The following SLA2 variants were observed in gnomAD, a reference collection of about 807,000 sequenced individuals.
The protein encoded by SLA2 is Src like adaptor 2, also known as src-like-adapter 2.
SLA2 carries 22 observed loss-of-function variants against 27.3 expected under a neutral mutation model. The ratio of observed to expected loss-of-function variants is 0.81; its 90% CI spans 0.58 to 1.15. The LOEUF is 1.15. SLA2 is among the 50% of genes most tolerant of loss of function. The pLI is 0.00. For missense variants in SLA2, 304 were observed against 322.2 expected (o/e 0.94, Z 0.43); for synonymous variants, 131 against 137.8 (o/e 0.95, Z 0.34).
chr20:36,625,216 ATTTTTTTT>A (rs71186005), intron 5 of SLA2, among the ~76,000 whole-genome samples: 3 of 78,498 alleles, frequency 3.8e-5, no homozygotes, highest in African/African-American at 1.6e-4. Flanking sequence ...ACGTACCCTG[ATTTTTTTT>A]TTTTTTTTTT....
rs2039169968 is a variant in SLA2, at chr20:36,613,770, C to T, written c.*96G>A. 4 of 583,208 alleles carry T rather than the reference C, an allele frequency of 6.9e-6. 1 individual carries two copies. Among genetic ancestry groups the T allele is most frequent in the African/African-American group, 5.8e-5 (3 of 51,352 alleles). The allele number at this position is 583,208 out of a possible 1,614,324, so 36.1% of individuals were successfully genotyped here. On this transcript the variant is annotated 3_prime_UTR_variant, in exon 8 of 8. Coordinates refer to ENST00000262866, the MANE Select transcript of SLA2 (RefSeq NM_032214.4). ...TGCACCTCTGTGTCCCACCCTCCCT[C>T]CCTGAGTGCACAGCCTTGCCTCTGG...
chr20:36,614,022 T>C, intron 7 of SLA2, 36 bp from the exon 8 acceptor site: 3 of 1,610,626 alleles, frequency 1.9e-6, no homozygotes, highest in Non-Finnish European at 2.5e-6. Flanking sequence ...TCAAGAAGCC[T>C]CTTCCTCCTC....
rs190692900 is a variant in SLA2, at chr20:36,643,383, T to C, written c.-43-2005A>G. Among the ~76,000 whole-genome samples the C allele has an allele frequency of 2.7e-4, 41 of 152,330 alleles. No homozygotes were observed. The South Asian group carries it at 5.2e-3, about 19-fold the overall frequency. ...CAGTTCAGCTGATATTCATGGAGCT[T>C]CTGCTCTGTGTCAGGCACCTGCCAA... is the stretch of plus-strand genomic sequence containing the variant. On this transcript the variant is annotated intron_variant, in intron 1 of 7. Coordinates refer to ENST00000262866, the MANE Select transcript of SLA2 (RefSeq NM_032214.4).
At chr20:36,639,321 G>A (rs577600335) in intron 2 of SLA2, among the ~76,000 whole-genome samples, 1 of 152,066 alleles carries the variant, frequency 6.6e-6, no homozygotes, top group African/African-American at 2.4e-5. Context: ...TTTTCCCTGG[G>A]TCTCCAGTCT....
chr20:36,624,997 T>C (rs768257571), intron 5 of SLA2, among the ~76,000 whole-genome samples: 6 of 152,164 alleles, frequency 3.9e-5, no homozygotes, highest in Admixed American at 6.5e-5. Flanking sequence ...TCAACATGCA[T>C]AGGTGTACTC....
At chr20:36,626,799 C>G (rs1332401638) in intron 5 of SLA2, among the ~76,000 whole-genome samples, 2 of 150,496 alleles carry the variant, frequency 1.3e-5, no homozygotes, top group South Asian at 2.1e-4. Flanking sequence ...AGCCGAGATC[C>G]CGCCAACTGC....
Position 36,632,507 on chromosome 20 carries a change from C to G in SLA2, c.382+88G>C, listed in dbSNP as rs1052949665. ...TGAGAAGTCAGGCAAAGCCTATTTT[C>G]TGGGCCGCACCTGCAGCCATATATC... On this transcript the variant is annotated intron_variant, in intron 5 of 7. Coordinates refer to ENST00000262866, the MANE Select transcript of SLA2 (RefSeq NM_032214.4). The G allele has an allele frequency of 2.9e-6, 3 of 1,017,022 alleles. No homozygotes were observed. The South Asian group carries it at 4.1e-5, about 14-fold the overall frequency. The allele number at this position is 1,017,022 out of a possible 1,614,324, so 63.0% of individuals were successfully genotyped here.
At chr20:36,643,745 A>G (rs1978285503) in intron 1 of SLA2, among the ~76,000 whole-genome samples, 1 of 152,160 alleles carries the variant, frequency 6.6e-6, no homozygotes, top group Admixed American at 6.6e-5. Context: ...TGAGGTCAGG[A>G]GTTTGAGACC....
chr20:36,623,005 A>G (rs2039300437), intron 5 of SLA2, among the ~76,000 whole-genome samples: 1 of 152,184 alleles, frequency 6.6e-6, no homozygotes, highest in South Asian at 2.1e-4. Flanking sequence ...GCGGTGGCTC[A>G]TGCCTGTAAT....
At chr20:36,642,445 C>T (rs1296299553) in intron 1 of SLA2, among the ~76,000 whole-genome samples, 1 of 151,704 alleles carries the variant, frequency 6.6e-6, no homozygotes, top group African/African-American at 2.4e-5. Flanking sequence ...ACTCCGTCAC[C>T]CAGGCTAGAG....
chr20:36,638,798 C>G (rs2039478504), intron 2 of SLA2, among the ~76,000 whole-genome samples: 1 of 152,194 alleles, frequency 6.6e-6, no homozygotes, highest in African/African-American at 2.4e-5. Context: ...GCCACACAAC[C>G]CAGATATTTG....
intron 5 of SLA2, among the ~76,000 whole-genome samples, chr20:36,619,767 A>G (rs986127436): frequency 7.5e-5 from 11 of 146,552 alleles, no homozygotes; most frequent in African/African-American, 2.5e-4. Flanking sequence ...AATAGCTGGG[A>G]CTACAGGTGC....
intron 5 of SLA2, chr20:36,621,452 T>G: frequency 4.2e-6 from 2 of 479,304 alleles, no homozygotes; most frequent in Admixed American, 2.5e-5. Flanking sequence ...ATAGTGTTGT[T>G]TTTTTTTTGA....
At chr20:36,635,768 C>T (rs112348854) in intron 2 of SLA2, among the ~76,000 whole-genome samples, 1,751 of 152,204 alleles carry the variant, frequency 0.012, 36 homozygotes, top group African/African-American at 0.04. Context: ...CCTGGGAGGG[C>T]CCCTTCCCCT....
chr20:36,618,463 C>T (rs1021315674), intron 5 of SLA2, among the ~76,000 whole-genome samples: 3 of 151,758 alleles, frequency 2.0e-5, no homozygotes, highest in African/African-American at 7.3e-5. Flanking sequence ...GTCTTGAACT[C>T]CTGACCTTGT....
At chr20:36,628,723 A>G (rs183671249) in intron 5 of SLA2, among the ~76,000 whole-genome samples, 1 of 151,374 alleles carries the variant, frequency 6.6e-6, no homozygotes, top group Non-Finnish European at 1.5e-5. Context: ...CTTAAAAAAA[A>G]ATTTTTTTTT....
intron 2 of SLA2, among the ~76,000 whole-genome samples, chr20:36,636,611 GAAA>G (rs1185102769): frequency 9.5e-5 from 7 of 73,992 alleles, no homozygotes; most frequent in African/African-American, 3.1e-4. Context: ...ATCTCAAAAA[GAAA>G]AAAAAAAAAA....
chr20:36,634,467 G>C (rs1376791370), intron 3 of SLA2, 23 bp downstream of exon 3: 2 of 1,545,120 alleles, frequency 1.3e-6, no homozygotes, highest in Non-Finnish European at 8.9e-7. Context: ...GCATATTCAG[G>C]TATCCAGTGC....
intron 3 of SLA2, among the ~76,000 whole-genome samples, chr20:36,633,906 T>C (rs747652182): frequency 8.0e-5 from 12 of 150,904 alleles, no homozygotes; most frequent in Non-Finnish European, 1.6e-4. Flanking sequence ...CACCACAGGG[T>C]TTCTGTGAGC....
Sources: gnomAD v4.1 joint callset for allele counts (sites outside exome capture counted in the v4.1 genomes callset) on GRCh38, gnomAD v4.1.1 for gene constraint, MANE v1.5 for transcripts, NCBI Gene and HGNC (gene_info 2026-07-23, HGNC 2026-07-21) for gene names.